Variants in KCTD8 observed in about 807,000 individuals in gnomAD.
KCTD8 encodes potassium channel tetramerization domain containing 8.
In KCTD8, 27 loss-of-function variants were observed where a neutral mutation model predicts 31.5. That is an observed-to-expected ratio of 0.86 (90% CI 0.63 to 1.18). The LOEUF (loss-of-function observed/expected upper bound fraction) is 1.18. Ranked by LOEUF, KCTD8 falls within the 50% of genes most tolerant of loss-of-function variation. KCTD8 has a pLI of 0.00. For synonymous variants in KCTD8, 290 were observed against 280.0 expected (o/e 1.04, Z -0.36); for missense variants, 658 against 647.7 (o/e 1.02, Z -0.17).
chr4:44,266,823 C>G (rs1200997639), intron 1 of KCTD8, among the ~76,000 whole-genome samples: 1 of 152,034 alleles, frequency 6.6e-6, no homozygotes, highest in African/African-American at 2.4e-5. Flanking sequence ...GTAAAGGGAT[C>G]AATTCAACAA....
At chr4:44,444,100 C>G (rs1300544372) in intron 1 of KCTD8, among the ~76,000 whole-genome samples, 1 of 152,056 alleles carries the variant, frequency 6.6e-6, no homozygotes, top group African/African-American at 2.4e-5. Context: ...GTTCATGTAG[C>G]CAAATAAAGC....
chr4:44,300,185 A>T (rs1717567862), intron 1 of KCTD8, among the ~76,000 whole-genome samples: 1 of 152,192 alleles, frequency 6.6e-6, no homozygotes, highest in Non-Finnish European at 1.5e-5. Context: ...CTACACACTT[A>T]TGAGTAAATT....
intron 1 of KCTD8, among the ~76,000 whole-genome samples, chr4:44,386,566 T>TA (rs34485838): frequency 0.085 from 12,944 of 151,508 alleles, 585 homozygotes; most frequent in South Asian, 0.16. Context: ...TCATGCCCGT[T>TA]AAAATGGCAT....
intron 1 of KCTD8, among the ~76,000 whole-genome samples, chr4:44,319,830 C>T (rs1163873948): frequency 6.6e-6 from 1 of 152,018 alleles, no homozygotes; most frequent in Non-Finnish European, 1.5e-5. Flanking sequence ...TTTTTGAACT[C>T]TCTCCATGTC....
At chr4:44,326,700 A>T (rs2109409788) in intron 1 of KCTD8, among the ~76,000 whole-genome samples, 1 of 151,814 alleles carries the variant, frequency 6.6e-6, no homozygotes, top group African/African-American at 2.4e-5. Flanking sequence ...ACATATGTCC[A>T]TGAGTCTAGT....
intron 1 of KCTD8, among the ~76,000 whole-genome samples, chr4:44,308,819 T>C (rs1442905063): frequency 2.0e-5 from 3 of 152,050 alleles, no homozygotes; most frequent in Non-Finnish European, 1.5e-5. Context: ...AAAACACATA[T>C]TGAATCACTG....
intron 1 of KCTD8, among the ~76,000 whole-genome samples, chr4:44,217,026 A>AT (rs915407729): frequency 1.2e-4 from 18 of 151,628 alleles, no homozygotes; most frequent in African/African-American, 4.1e-4. Flanking sequence ...GCAATGAACA[A>AT]TTTTTTTAAA....
chr4:44,288,129 G>A (rs984879140), intron 1 of KCTD8, among the ~76,000 whole-genome samples: 3 of 152,226 alleles, frequency 2.0e-5, no homozygotes, highest in East Asian at 1.9e-4. Flanking sequence ...AGAGGAGAAT[G>A]TTAAGGCATA....
intron 1 of KCTD8, among the ~76,000 whole-genome samples, chr4:44,377,075 C>G (rs1211183547): frequency 6.6e-6 from 1 of 152,202 alleles, no homozygotes; most frequent in Non-Finnish European, 1.5e-5. Flanking sequence ...AACGAAGCTA[C>G]TGTTAAACAA....
At chr4:44,364,346 A>T (rs1478918850) in intron 1 of KCTD8, among the ~76,000 whole-genome samples, 1 of 152,138 alleles carries the variant, frequency 6.6e-6, no homozygotes, top group African/African-American at 2.4e-5. Context: ...GCTCAATATG[A>T]TATGTCATTA....
intron 1 of KCTD8, among the ~76,000 whole-genome samples, chr4:44,358,833 T>C (rs1198831669): frequency 2.6e-5 from 4 of 152,138 alleles, no homozygotes; most frequent in African/African-American, 7.2e-5. Flanking sequence ...CCTCCCAATG[T>C]GTGTTTCCTG....
chr4:44,300,758 C>T (rs1717588850), intron 1 of KCTD8, among the ~76,000 whole-genome samples: 1 of 152,014 alleles, frequency 6.6e-6, no homozygotes, highest in Non-Finnish European at 1.5e-5. Context: ...GGTACACGTG[C>T]ACAATGTGCA....
intron 1 of KCTD8, chr4:44,293,888 G>A (rs796148364): frequency 3.7e-5 from 16 of 431,600 alleles, no homozygotes; most frequent in African/African-American, 3.3e-4. Flanking sequence ...TAGAATTATT[G>A]CATAGAGAAT....
chr4:44,410,039 C>T (rs1720916558), intron 1 of KCTD8, among the ~76,000 whole-genome samples: 1 of 152,138 alleles, frequency 6.6e-6, no homozygotes, highest in Non-Finnish European at 1.5e-5. Context: ...GAGGAACCTT[C>T]TTAATTTAGC....
intron 1 of KCTD8, among the ~76,000 whole-genome samples, chr4:44,405,393 G>A (rs1172149219): frequency 6.6e-6 from 1 of 152,076 alleles, no homozygotes; most frequent in African/African-American, 2.4e-5. Context: ...AAGTAGCTTG[G>A]ACTGCAGGCA....
chr4:44,216,179 T>A (rs1465769635), intron 1 of KCTD8, among the ~76,000 whole-genome samples: 1 of 152,152 alleles, frequency 6.6e-6, no homozygotes, highest in African/African-American at 2.4e-5. Context: ...AGTATAAACA[T>A]CTTAGAATTT....
intron 1 of KCTD8, among the ~76,000 whole-genome samples, chr4:44,193,105 A>C (rs1437276933): frequency 5.3e-5 from 8 of 152,198 alleles, no homozygotes. Context: ...CACTAGTTGA[A>C]AAAGATAATA....
At chr4:44,351,769 G>T (rs1297697593) in intron 1 of KCTD8, among the ~76,000 whole-genome samples, 1 of 152,042 alleles carries the variant, frequency 6.6e-6, no homozygotes, top group Non-Finnish European at 1.5e-5. Flanking sequence ...TTTTGTCCCT[G>T]CCTAGAACAC....
At chr4:44,179,800 C>T in intron 1 of KCTD8, among the ~76,000 whole-genome samples, 1 of 151,964 alleles carries the variant, frequency 6.6e-6, no homozygotes, top group Middle Eastern at 3.4e-3. Flanking sequence ...TTATTGATAA[C>T]TTAGTAGATT....
Sources: allele counts gnomAD v4.1 joint callset (sites outside exome capture counted in the v4.1 genomes callset), GRCh38; gene constraint gnomAD v4.1.1; transcripts MANE v1.5; gene names NCBI Gene and HGNC (gene_info 2026-07-23, HGNC 2026-07-21).